KPNA4: variants seen among roughly 807,000 people sequenced by gnomAD.
The protein encoded by KPNA4 is karyopherin subunit alpha 4.
Under a neutral mutation model 71.3 loss-of-function variants are expected in KPNA4, and 13 were observed. The observed-to-expected ratio is 0.18, with a 90% CI of 0.12 to 0.29. The LOEUF (loss-of-function observed/expected upper bound fraction) is 0.29, where lower values mean the gene tolerates loss of function less well. Ranked by LOEUF, KPNA4 falls within the 10% of genes least tolerant of loss-of-function variation. The pLI, the probability that KPNA4 is intolerant of heterozygous loss-of-function variation, is 1.00. For synonymous variants in KPNA4, 189 were observed against 195.2 expected (o/e 0.97, Z 0.26); for missense variants, 334 against 603.2 (o/e 0.55, Z 4.67).
intron 14 of KPNA4, 23 bp downstream of exon 14, chr3:160,509,777 A>G (rs866170347): frequency 7.0e-7 from 1 of 1,426,398 alleles, no homozygotes; most frequent in Middle Eastern, 1.8e-4. Flanking sequence ...TTTGAGAAAT[A>G]AATTTTAAAA....
At chr3:160,553,616 G>C (rs903586100) in intron 1 of KPNA4, among the ~76,000 whole-genome samples, 1 of 152,138 alleles carries the variant, frequency 6.6e-6, no homozygotes, top group African/African-American at 2.4e-5. Flanking sequence ...ATAAGGATAT[G>C]TTCCTTGCAT....
chr3:160,561,482 G>A (rs1322830060), intron 1 of KPNA4, among the ~76,000 whole-genome samples: 8 of 152,152 alleles, frequency 5.3e-5, no homozygotes, highest in African/African-American at 1.9e-4. Context: ...TCATCTGATA[G>A]TTCCTGATAA....
chr3:160,535,254 T>G (rs1721664469), intron 5 of KPNA4, among the ~76,000 whole-genome samples: 1 of 152,204 alleles, frequency 6.6e-6, no homozygotes, highest in Non-Finnish European at 1.5e-5. Context: ...CAACTTTCCT[T>G]GGCATCTGTA....
In KPNA4 at chr3:160,521,723, T is replaced by G. The variant is rs924120526; in HGVS notation, c.903+56A>C. ...TGAAATTGTCCATCTTTGAATGCCATGCTTAAAGCAATTAGTGGTAAGAAA... is the reference window on the plus strand; with the variant it reads ...TGAAATTGTCCATCTTTGAATGCCAGGCTTAAAGCAATTAGTGGTAAGAAA... On this transcript the variant is annotated intron_variant, in intron 11 of 16. Transcript: ENST00000334256. 4 of 1,509,724 alleles carry G rather than the reference T, an allele frequency of 2.6e-6. No homozygotes were observed. The African/African-American group carries it at 4.2e-5, about 16-fold the overall frequency. The allele number at this position is 1,509,724 out of a possible 1,614,324, so 93.5% of individuals were successfully genotyped here.
rs758970603 is a variant in KPNA4 at position 160,530,944 on chromosome 3, C to CA, written c.384-5dup. 2,484 of 1,537,818 alleles carry CA rather than the reference C, an allele frequency of 1.6e-3. No homozygotes were observed. Among genetic ancestry groups the CA allele is most frequent in the South Asian group, 2.0e-3 (167 of 82,538 alleles). ...AGCTTCAAACTGTAAAGAAGGACTA[C>CA]AAAAAAAAACAAGTATTTTTAAACA... On this transcript the variant is annotated splice_polypyrimidine_tract_variant and splice_region_variant and intron_variant, in intron 6 of 16. Coordinates refer to ENST00000334256, the MANE Select transcript of KPNA4 (RefSeq NM_002268.5).
chr3:160,497,033 T>C lies in KPNA4; in HGVS notation c.*5071A>G, dbSNP rs1052568981. On this transcript the variant is annotated 3_prime_UTR_variant, in exon 17 of 17. Coordinates refer to ENST00000334256, the MANE Select transcript of KPNA4 (RefSeq NM_002268.5). ...TACATGATTGGTGTGCTTAGTTTTTTATCAATTTGACACTACAGTCCAAAT... is the reference window on the plus strand; with the variant it reads ...TACATGATTGGTGTGCTTAGTTTTTCATCAATTTGACACTACAGTCCAAAT... 6.6e-5 allele frequency: 10 copies of C among 152,252 alleles called. No individual in the cohort carries two copies. The highest frequency in any genetic ancestry group is 2.4e-4 in the African/African-American group (10 of 41,470). The allele number at this position is 152,252 out of a possible 1,614,324, so 9.4% of individuals were successfully genotyped here. A position where few individuals can be genotyped will look rare whatever the true frequency, so the allele number is the denominator to read the frequency against.
At chr3:160,543,043 C>T (rs1023692799) in intron 1 of KPNA4, among the ~76,000 whole-genome samples, 5 of 151,996 alleles carry the variant, frequency 3.3e-5, no homozygotes, top group Admixed American at 6.6e-5. Context: ...AAAAGTTATA[C>T]ATGTCTATTT....
chr3:160,561,123 T>C (rs895657880), intron 1 of KPNA4, among the ~76,000 whole-genome samples: 2 of 152,064 alleles, frequency 1.3e-5, no homozygotes, highest in South Asian at 2.1e-4. Flanking sequence ...TTTCTAATTA[T>C]GTAGCATTTT....
At chr3:160,557,638 A>G (rs989993174) in intron 1 of KPNA4, among the ~76,000 whole-genome samples, 2 of 152,232 alleles carry the variant, frequency 1.3e-5, no homozygotes, top group African/African-American at 4.8e-5. Context: ...TTGTCCGAAT[A>G]GTAAATAAAC....
chr3:160,530,589 T>C (rs1721554110), intron 7 of KPNA4, among the ~76,000 whole-genome samples: 1 of 152,142 alleles, frequency 6.6e-6, no homozygotes, highest in African/African-American at 2.4e-5. Context: ...ATAAATAAAG[T>C]GTAACAATAA....
At chr3:160,507,534 A>C (rs571051084) in intron 15 of KPNA4, among the ~76,000 whole-genome samples, 1 of 147,444 alleles carries the variant, frequency 6.8e-6, no homozygotes, top group East Asian at 2.0e-4. Flanking sequence ...CCTTCATAGG[A>C]GGCTGGTTAC....
intron 3 of KPNA4, 35 bp from the exon 4 acceptor site, chr3:160,535,725 A>G: frequency 1.3e-6 from 2 of 1,572,182 alleles, no homozygotes; most frequent in Non-Finnish European, 1.7e-6. Flanking sequence ...CTCAGTTAAA[A>G]AGTCACCTTA....
intron 8 of KPNA4, among the ~76,000 whole-genome samples, chr3:160,526,538 T>G (rs556486790): frequency 3.4e-4 from 52 of 152,354 alleles, no homozygotes; most frequent in Non-Finnish European, 6.5e-4. Flanking sequence ...GAACCAGTGC[T>G]AGAATAGTGG....
At position 160,541,576 on chromosome 3, in the gene KPNA4, T is replaced by C. The variant is rs149798892; in HGVS notation, c.70-4736A>G. ...CATAACTATGAAAATTTACTAAATA[T>C]CATTGAATTCTACACTTAAAATTGG... is the stretch of plus-strand genomic sequence containing the variant. On this transcript the variant is annotated intron_variant, in intron 1 of 16. Coordinates refer to ENST00000334256, the MANE Select transcript of KPNA4 (RefSeq NM_002268.5). Among the ~76,000 whole-genome samples the C allele has an allele frequency of 2.3e-3, 349 of 152,042 alleles. 2 individuals carry two copies. Among genetic ancestry groups the C allele is most frequent in the African/African-American group, 7.8e-3 (322 of 41,452 alleles).
intron 1 of KPNA4, among the ~76,000 whole-genome samples, chr3:160,543,842 G>C (rs188930977): frequency 6.6e-6 from 1 of 152,054 alleles, no homozygotes; most frequent in East Asian, 1.9e-4. Context: ...GATGCCAAAA[G>C]GACATGGGAA....
At chr3:160,518,196 C>T (rs1231466191) in intron 11 of KPNA4, among the ~76,000 whole-genome samples, 19 of 150,390 alleles carry the variant, frequency 1.3e-4, no homozygotes, top group Non-Finnish European at 2.5e-4. Flanking sequence ...GGCGCGATCT[C>T]GGCTCACTGC....
rs891846316 is a variant in KPNA4, at chr3:160,497,723, A to G, written c.*4381T>C. 5.3e-5 allele frequency: 8 copies of G among 152,200 alleles called. No homozygotes were observed. Among genetic ancestry groups the G allele is most frequent in the Admixed American group, 1.3e-4 (2 of 15,284 alleles). The allele number at this position is 152,200 out of a possible 1,614,324, so 9.4% of individuals were successfully genotyped here. ...AAATAATCAAGAAGTTACAAAAAGGATAAGATACTCAGCTATCTTGGCCTT... is the reference window on the plus strand; with the variant it reads ...AAATAATCAAGAAGTTACAAAAAGGGTAAGATACTCAGCTATCTTGGCCTT... On this transcript the variant is annotated 3_prime_UTR_variant, in exon 17 of 17. Transcript: ENST00000334256.
Position 160,496,146 on chromosome 3 carries a change from GGCGTGGTGGTGCAC to G in KPNA4, c.*5944_*5957del, listed in dbSNP as rs1227099738. On this transcript the variant is annotated 3_prime_UTR_variant, in exon 17 of 17. Coordinates refer to ENST00000334256, the MANE Select transcript of KPNA4 (RefSeq NM_002268.5). ...CTACTAAAAATACAAAAATTAGCCG[GGCGTGGTGGTGCAC>G]GCTTGTGGTCCCAGCTACTCAGGAG... 6.6e-6 allele frequency: 1 copy of G among 152,170 alleles called. No individual in the cohort carries two copies. Among genetic ancestry groups the G allele is most frequent in the Non-Finnish European group, 1.5e-5 (1 of 68,158 alleles). 9.4% of individuals were successfully genotyped at this position (152,170 alleles called of 1,614,324 possible).
intron 13 of KPNA4, among the ~76,000 whole-genome samples, chr3:160,512,848 AAAC>A (rs1721125910): frequency 6.6e-6 from 1 of 152,140 alleles, no homozygotes; most frequent in Admixed American, 6.6e-5. Context: ...ACAAAACAAA[AAAC>A]AAGACAAGTT....
Sources: gnomAD v4.1 joint callset for allele counts (sites outside exome capture counted in the v4.1 genomes callset) on GRCh38, gnomAD v4.1.1 for gene constraint, MANE v1.5 for transcripts, NCBI Gene and HGNC (gene_info 2026-07-23, HGNC 2026-07-21) for gene names.